Variants in ASAH1 observed in about 807,000 individuals in gnomAD.
ASAH1 encodes N-acylsphingosine amidohydrolase 1.
A neutral mutation model predicts 59.5 loss-of-function variants in ASAH1; 70 were observed. That is an observed-to-expected ratio of 1.18 (90% CI 0.97 to 1.43). The LOEUF is 1.43. Among genes scored for constraint, ASAH1 ranks in the 40% most tolerant of loss-of-function variants. ASAH1 has a pLI of 0.00. For missense variants in ASAH1, 660 were observed against 482.5 expected, an observed-to-expected ratio of 1.37 and a Z score of -3.45; for synonymous variants, 213 against 166.5, an observed-to-expected ratio of 1.28 and a Z score of -2.15.
intron 12 of ASAH1, 127 bp downstream of exon 12, chr8:18,059,214 A>T: frequency 2.8e-6 from 4 of 1,445,202 alleles, no homozygotes; most frequent in Non-Finnish European, 3.8e-6. Context: ...AAATCAGTGG[A>T]GAGTGGCTAG....
rs1799485543 is a variant in ASAH1, at chr8:18,056,768, A to T, written c.*766T>A. The T allele has an allele frequency of 6.6e-6, 1 of 152,184 alleles. No homozygotes were observed. Among genetic ancestry groups the T allele is most frequent in the Non-Finnish European group, 1.5e-5 (1 of 68,030 alleles). 9.4% of individuals were successfully genotyped at this position (152,184 alleles called of 1,614,324 possible). A position where few individuals can be genotyped will look rare whatever the true frequency, so the allele number is the denominator to read the frequency against. ...ACTTCCTATTTTCCACAAGTCTTTGACTTGTTTATTTACTAAATTAACAGA... is the reference window on the plus strand; with the variant it reads ...ACTTCCTATTTTCCACAAGTCTTTGTCTTGTTTATTTACTAAATTAACAGA... On this transcript the variant is annotated 3_prime_UTR_variant, in exon 14 of 14. Coordinates refer to ENST00000637790, the MANE Select transcript of ASAH1 (RefSeq NM_177924.5).
intron 9 of ASAH1, 71 bp from the exon 10 acceptor site, chr8:18,061,529 G>C: frequency 6.9e-7 from 1 of 1,458,034 alleles, no homozygotes; most frequent in Non-Finnish European, 9.6e-7. Context: ...ACCCGGAAGA[G>C]GCTGGACTAT....
rs545207008 is a variant in ASAH1 at position 18,059,440 on chromosome 8, C to A, written c.942G>T (p.Trp314Cys). 3.2e-5 allele frequency: 51 copies of A among 1,614,204 alleles called. 1 individual carries two copies. The South Asian group carries it at 5.6e-4, about 18-fold the overall frequency. ...VYELDAKQGR[W>C]YVVQTNYDRW... is the part of the protein sequence containing the mutation. Reference sequence around the variant, plus strand: ...GGTCATAATTTGTTTGTACCACATACCATCTACCCTGCTTAGCATCGAGTC... The same window carrying A: ...GGTCATAATTTGTTTGTACCACATAACATCTACCCTGCTTAGCATCGAGTC... The change falls in exon 12 of 14, where the codon TGG becomes TGT. Residue 314 changes from tryptophan to cysteine, a missense_variant. Physicochemically the swap from Trp to Cys is radical, Grantham distance 215. Coordinates refer to ENST00000637790, the MANE Select transcript of ASAH1 (RefSeq NM_177924.5).
At chr8:18,057,704 A>C in intron 13 of ASAH1, 81 bp from the exon 14 acceptor site, 2 of 941,896 alleles carry the variant, frequency 2.1e-6, no homozygotes, top group Non-Finnish European at 3.1e-6. Context: ...CTATACTTGT[A>C]GAATTTGCTT....
chr8:18,068,165 A>G (rs1427380529), intron 4 of ASAH1: 1 of 152,188 alleles, frequency 6.6e-6, no homozygotes, highest in South Asian at 2.1e-4. Context: ...TATGAAATAT[A>G]TATTAGTAAT....
chr8:18,061,806 C>A, intron 8 of ASAH1, 66 bp from the exon 9 acceptor site: 1 of 1,435,692 alleles, frequency 7.0e-7, no homozygotes, highest in Non-Finnish European at 9.6e-7. Flanking sequence ...CTGTCGCTCA[C>A]TGTACTTCAG....
intron 2 of ASAH1, among the ~76,000 whole-genome samples, chr8:18,074,797 G>A (rs1373764631): frequency 6.6e-6 from 1 of 152,112 alleles, no homozygotes; most frequent in Non-Finnish European, 1.5e-5. Context: ...TTTTGTCCTC[G>A]ACAGCTTTGT....
At chr8:18,071,888 C>T (rs571128405) in intron 2 of ASAH1, among the ~76,000 whole-genome samples, 1 of 152,180 alleles carries the variant, frequency 6.6e-6, no homozygotes, top group South Asian at 2.1e-4. Context: ...TATCTTCCCA[C>T]GATCAGCTTC....
Position 18,071,342 on chromosome 8 carries a change from G to A in ASAH1, c.174C>T (p.Pro58=), listed in dbSNP as rs1800165687. ...GCATCAATTCATGCCATCTTTTGTA[G>A]GGTGGTAAGTCAAGATTTATGGTGT... ...PWYTINLDLP[P]YKRWHELMLD... The change falls in exon 3 of 14, where the codon CCC becomes CCT. Residue 58 remains proline, a synonymous_variant. Transcript: ENST00000637790. 3 of 1,605,138 alleles carry A rather than the reference G, an allele frequency of 1.9e-6. No individual in the cohort carries two copies. Among genetic ancestry groups the A allele is most frequent in the African/African-American group, 1.3e-5 (1 of 74,826 alleles).
intron 8 of ASAH1, 133 bp downstream of exon 8, chr8:18,062,146 G>C: frequency 8.2e-7 from 1 of 1,218,556 alleles, no homozygotes; most frequent in Non-Finnish European, 1.2e-6. Context: ...CCTATGAAGT[G>C]ACAAGAAGTA....
intron 1 of ASAH1, among the ~76,000 whole-genome samples, chr8:18,077,160 T>G (rs1046907352): frequency 2.0e-5 from 3 of 152,212 alleles, no homozygotes; most frequent in African/African-American, 7.2e-5. Context: ...TTCTGATAAT[T>G]CACAGAAATG....
chr8:18,067,364 T>A, intron 4 of ASAH1, 66 bp from the exon 5 acceptor site: 3 of 964,488 alleles, frequency 3.1e-6, no homozygotes, highest in South Asian at 3.3e-5. Flanking sequence ...TAATATAATA[T>A]AAACAAATAT....
Position 18,071,394 on chromosome 8 carries a change from T to A in ASAH1, c.126-4A>T. ...CCATGGAACTGCACCTCTGTACCTG[T>A]AATGAGAGGTGTATCATCTTGAAAT... On this transcript the variant is annotated splice_region_variant and splice_polypyrimidine_tract_variant and intron_variant, in intron 2 of 13. Transcript: ENST00000637790. 1 of 1,553,712 alleles carries A rather than the reference T, an allele frequency of 6.4e-7. No individual in the cohort carries two copies.
rs1230820124 is a variant in ASAH1, at chr8:18,059,452, C to T, written c.930G>A (p.Lys310=). ...TTTGTACCACATACCATCTACCCTG[C>T]TTAGCATCGAGTCTAGATACAAAAG... ...ESLDVYELDA[K]QGRWYVVQTN... is the part of the protein sequence containing the mutation. Residue 310 remains lysine, a synonymous_variant, in exon 12 of 14, where the codon AAG becomes AAA. Coordinates refer to ENST00000637790, the MANE Select transcript of ASAH1 (RefSeq NM_177924.5). The T allele has an allele frequency of 6.2e-7, 1 of 1,614,208 alleles. No individual in the cohort carries two copies. Among genetic ancestry groups the T allele is most frequent in the East Asian group, 2.2e-5 (1 of 44,884 alleles).
At chr8:18,078,749 T>C (rs1028910857) in intron 1 of ASAH1, among the ~76,000 whole-genome samples, 2 of 152,158 alleles carry the variant, frequency 1.3e-5, no homozygotes, top group African/African-American at 4.8e-5. Flanking sequence ...AAATAGATGA[T>C]AGGTAAAGAT....
chr8:18,074,504 T>C (rs1306966443), intron 2 of ASAH1, among the ~76,000 whole-genome samples: 1 of 152,190 alleles, frequency 6.6e-6, no homozygotes, highest in African/African-American at 2.4e-5. Context: ...ACTGAAAATG[T>C]CATCTTGATA....
intron 3 of ASAH1, among the ~76,000 whole-genome samples, 191 bp from the exon 4 acceptor site, chr8:18,070,069 C>A (rs1465029196): frequency 6.6e-6 from 1 of 152,208 alleles, no homozygotes; most frequent in Non-Finnish European, 1.5e-5. Context: ...CAATCTCTGC[C>A]TCCCAGGTTC....
chr8:18,062,460 CAGTGAT>C (rs1799747187), intron 7 of ASAH1, 37 bp from the exon 8 acceptor site: 1 of 1,610,100 alleles, frequency 6.2e-7, no homozygotes, highest in Non-Finnish European at 8.5e-7. Flanking sequence ...TTCAGAAACA[CAGTGAT>C]AGTAATGATC....
chr8:18,069,569 G>C, intron 4 of ASAH1: 1 of 475,212 alleles, frequency 2.1e-6, no homozygotes, highest in Non-Finnish European at 3.8e-6. Context: ...GCCCAATGTC[G>C]TAATGTAGTC....
Sources: allele counts gnomAD v4.1 joint callset (sites outside exome capture counted in the v4.1 genomes callset), GRCh38; gene constraint gnomAD v4.1.1; transcripts MANE v1.5; gene names NCBI Gene and HGNC (gene_info 2026-07-23, HGNC 2026-07-21).